Variants in GPR141 observed in about 807,000 individuals in gnomAD.
GPR141 encodes the protein G protein-coupled receptor 141.
Under a neutral mutation model 6.8 loss-of-function variants are expected in GPR141, and 6 were observed. The ratio of observed to expected loss-of-function variants is 0.88; its 90% confidence interval spans 0.48 to 1.74. The LOEUF is 1.74. Among genes scored for constraint, GPR141 ranks in the 40% most tolerant of loss-of-function variants. The pLI is 0.01. For missense variants in GPR141, 372 were observed against 372.9 expected (o/e 1.00, Z 0.02); for synonymous variants, 140 against 142.3 (o/e 0.98, Z 0.11).
chr7:37,724,145 T>TA (rs1261134251), intron 2 of GPR141, among the ~76,000 whole-genome samples: 7 of 152,094 alleles, frequency 4.6e-5, no homozygotes, highest in Non-Finnish European at 8.8e-5. Context: ...TCCTCACCTT[T>TA]AGAGAGTCAG....
chr7:37,732,812 G>A (rs1453587704), intron 2 of GPR141, among the ~76,000 whole-genome samples: 1 of 152,224 alleles, frequency 6.6e-6, no homozygotes, highest in Non-Finnish European at 1.5e-5. Context: ...CACAGCAGTG[G>A]TTCATGCAGA....
At chr7:37,727,665 T>C (rs1397146755) in intron 2 of GPR141, among the ~76,000 whole-genome samples, 4 of 152,222 alleles carry the variant, frequency 2.6e-5, no homozygotes, top group Non-Finnish European at 5.9e-5. Flanking sequence ...AAGCATGTAC[T>C]TTTCTTTTCC....
At chr7:37,686,404 T>TA (rs1284524959) in intron 2 of GPR141, among the ~76,000 whole-genome samples, 2 of 152,216 alleles carry the variant, frequency 1.3e-5, no homozygotes, top group African/African-American at 4.8e-5. Context: ...TCATACGTTA[T>TA]ACCAAAGTAT....
chr7:37,736,571 C>T (rs78880961), intron 2 of GPR141, among the ~76,000 whole-genome samples: 2,701 of 149,918 alleles, frequency 0.018, 45 homozygotes, highest in Non-Finnish European at 0.029. Context: ...AAAAGACATG[C>T]AACCATAATA....
chr7:37,720,697 C>T lies in GPR141; in HGVS notation c.-14-19683C>T, dbSNP rs576918368. Among the ~76,000 whole-genome samples, 13 of 148,268 alleles carry T rather than the reference C, an allele frequency of 8.8e-5. No homozygotes were observed. The East Asian group carries it at 2.0e-3, about 23-fold the overall frequency. On this transcript the variant is annotated intron_variant, in intron 2 of 2. Transcript: ENST00000334425. Reference sequence around the variant, plus strand: ...CGGAGCTTGCAGTGAGCTGAGATTGCGCCACTGCACTCCAGGCTGGGCAAA... The same window carrying T: ...CGGAGCTTGCAGTGAGCTGAGATTGTGCCACTGCACTCCAGGCTGGGCAAA...
At chr7:37,696,667 A>G (rs1810030702) in intron 2 of GPR141, among the ~76,000 whole-genome samples, 1 of 151,908 alleles carries the variant, frequency 6.6e-6, no homozygotes. Flanking sequence ...CCTTACAAAG[A>G]TAATTTTAGT....
intron 2 of GPR141, among the ~76,000 whole-genome samples, chr7:37,700,970 C>T (rs9986952): frequency 0.35 from 53,711 of 152,024 alleles, 9,631 homozygotes; most frequent in Middle Eastern, 0.39. Context: ...TTAACCTGAG[C>T]GTGGATGCTT....
intron 2 of GPR141, among the ~76,000 whole-genome samples, chr7:37,700,252 T>G (rs1810219795): frequency 6.6e-6 from 1 of 152,242 alleles, no homozygotes; most frequent in African/African-American, 2.4e-5. Context: ...GAGTGTATTT[T>G]GTTACATTTT....
Position 37,740,372 on chromosome 7 carries a change from TCCTCCAGGTGAC to T in GPR141, c.-14-7_-10del. On this transcript the variant is annotated splice_acceptor_variant and splice_polypyrimidine_tract_variant and 5_prime_UTR_variant and intron_variant, in exon 3 of 3. Transcript: ENST00000334425. LOFTEE classifies it low-confidence loss of function (5UTR_SPLICE). ...TTGTCAGTTACTCTGGTGCTTTTTC[TCCTCCAGGTGAC>T]TTCCCAAGTATGCCTGGCCACAATA... 6.5e-7 allele frequency: 1 copy of T among 1,541,644 alleles called. No homozygotes were observed. The highest frequency in any genetic ancestry group is 1.8e-5 in the Admixed American group (1 of 54,098).
chr7:37,741,948 T>A lies in GPR141; in HGVS notation c.*637T>A, dbSNP rs1812585533. On this transcript the variant is annotated 3_prime_UTR_variant, in exon 3 of 3. Coordinates refer to ENST00000334425, the MANE Select transcript of GPR141 (RefSeq NM_001381946.1). ...TCTAGATTTGTCCTGTGAAAGGTCG[T>A]TTAAGGACTTGGGGATCAACTTCCT... 6.6e-6 allele frequency among the ~76,000 whole-genome samples: 1 copy of A among 152,202 alleles called. No individual in the cohort carries two copies. The highest frequency in any genetic ancestry group is 2.4e-5 in the African/African-American group (1 of 41,454).
intron 2 of GPR141, among the ~76,000 whole-genome samples, chr7:37,727,197 T>C (rs749276314): frequency 3.9e-5 from 6 of 152,226 alleles, no homozygotes; most frequent in Non-Finnish European, 8.8e-5. Flanking sequence ...GGTGGGACCT[T>C]TCAACATAAA....
At chr7:37,698,167 A>G (rs1301177314) in intron 2 of GPR141, among the ~76,000 whole-genome samples, 1 of 152,222 alleles carries the variant, frequency 6.6e-6, no homozygotes, top group East Asian at 1.9e-4. Flanking sequence ...TTCCAGATGC[A>G]TGGCCTTGGT....
intron 2 of GPR141, among the ~76,000 whole-genome samples, chr7:37,707,877 A>C (rs970511229): frequency 1.3e-5 from 2 of 152,180 alleles, no homozygotes; most frequent in African/African-American, 4.8e-5. Context: ...ATTACATTGC[A>C]ATGCTACGAC....
chr7:37,737,073 C>T (rs1442930412), intron 2 of GPR141, among the ~76,000 whole-genome samples: 1 of 151,776 alleles, frequency 6.6e-6, no homozygotes, highest in Non-Finnish European at 1.5e-5. Context: ...TTACAACACA[C>T]ACATTTTAAA....
In GPR141 at chr7:37,742,149, A is replaced by G. The variant is rs1302957870; in HGVS notation, c.*838A>G. 1.3e-5 allele frequency among the ~76,000 whole-genome samples: 2 copies of G among 152,072 alleles called. No individual in the cohort carries two copies. The highest frequency in any genetic ancestry group is 1.3e-4 in the Admixed American group (2 of 15,268). ...TTTTTCTCTTCTGTTTTTTGAGAGA[A>G]TTTCTAGATGTCCTGGGCCACAGTT... On this transcript the variant is annotated 3_prime_UTR_variant, in exon 3 of 3. Coordinates refer to ENST00000334425, the MANE Select transcript of GPR141 (RefSeq NM_001381946.1).
At chr7:37,702,523 G>T (rs10275014) in intron 2 of GPR141, among the ~76,000 whole-genome samples, 75,713 of 151,418 alleles carry the variant, frequency 0.5, 19,310 homozygotes, top group South Asian at 0.6. Flanking sequence ...TTAAGAAAAC[G>T]GAAGTTAAAT....
chr7:37,711,530 G>A (rs1217650489), intron 2 of GPR141, among the ~76,000 whole-genome samples: 1 of 152,112 alleles, frequency 6.6e-6, no homozygotes, highest in Non-Finnish European at 1.5e-5. Context: ...CACTACTACT[G>A]GGGGTTGTCA....
chr7:37,722,979 C>CTTCT (rs1198501965), intron 2 of GPR141, among the ~76,000 whole-genome samples: 6 of 77,768 alleles, frequency 7.7e-5, no homozygotes, highest in South Asian at 3.9e-4. Context: ...TCCTTCCTTC[C>CTTCT]TTCTTTCTTT....
chr7:37,720,718 G>A (rs1282214928), intron 2 of GPR141, among the ~76,000 whole-genome samples: 1 of 144,716 alleles, frequency 6.9e-6, no homozygotes, highest in Non-Finnish European at 1.5e-5. Flanking sequence ...TCCAGGCTGG[G>A]CAAAAGCCAG....
Sources: gnomAD v4.1 joint callset for allele counts (sites outside exome capture counted in the v4.1 genomes callset) on GRCh38, gnomAD v4.1.1 for gene constraint, MANE v1.5 for transcripts, NCBI Gene and HGNC (gene_info 2026-07-23, HGNC 2026-07-21) for gene names.